Variants in PALM2AKAP2 observed in about 807,000 individuals in gnomAD.
PALM2AKAP2 encodes PALM2-AKAP2 fusion protein.
PALM2AKAP2 carries 37 observed loss-of-function variants against 71.5 expected under a neutral mutation model. That is an observed-to-expected ratio of 0.52 (90% CI 0.40 to 0.68). The LOEUF (loss-of-function observed/expected upper bound fraction) is 0.68. Among genes scored for constraint, PALM2AKAP2 ranks in the 30% least tolerant of loss-of-function variants. The pLI, the probability that PALM2AKAP2 is intolerant of heterozygous loss-of-function variation, is 0.00. For synonymous variants in PALM2AKAP2, 468 were observed against 478.8 expected (o/e 0.98, Z 0.29); for missense variants, 1,224 against 1,191.8 (o/e 1.03, Z -0.40).
At chr9:109,712,170 T>C (rs1247098010) in intron 1 of PALM2AKAP2, among the ~76,000 whole-genome samples, 1 of 152,194 alleles carries the variant, frequency 6.6e-6, no homozygotes, top group African/African-American at 2.4e-5. Flanking sequence ...AATCTTTATG[T>C]TTCATGTCAG....
At chr9:110,055,080 T>C (rs1489743464) in intron 1 of PALM2AKAP2, among the ~76,000 whole-genome samples, 2 of 152,246 alleles carry the variant, frequency 1.3e-5, no homozygotes, top group Non-Finnish European at 2.9e-5. Flanking sequence ...TTTCATTAGT[T>C]GATCCTTCTT....
intron 1 of PALM2AKAP2, among the ~76,000 whole-genome samples, chr9:110,120,626 C>G (rs1335548330): frequency 6.6e-6 from 1 of 152,258 alleles, no homozygotes. Flanking sequence ...CCCTCAGCCT[C>G]CCGAGTAGCT....
intron 1 of PALM2AKAP2, among the ~76,000 whole-genome samples, chr9:109,672,884 A>G (rs965570264): frequency 3.3e-5 from 5 of 151,646 alleles, no homozygotes; most frequent in African/African-American, 1.2e-4. Flanking sequence ...TTTCTAGTAT[A>G]GGTGCATAGA....
chr9:109,781,175 A>T lies in PALM2AKAP2; in HGVS notation c.45+642A>T, dbSNP rs529273167. ...AAAACCTATTTTCAGCCTACAAAGG[A>T]GTAGTCAGTTTTGGCAAAGTTCGTA... On this transcript the variant is annotated intron_variant, in intron 1 of 9. Transcript: ENST00000302798. 7.2e-5 allele frequency among the ~76,000 whole-genome samples: 11 copies of T among 152,336 alleles called. No individual in the cohort carries two copies. The South Asian group carries it at 1.7e-3, about 23-fold the overall frequency.
chr9:109,841,431 G>A (rs1261380735), intron 1 of PALM2AKAP2, among the ~76,000 whole-genome samples: 1 of 142,982 alleles, frequency 7.0e-6, no homozygotes, highest in African/African-American at 2.6e-5. Flanking sequence ...TGAGTTAATG[G>A]GTGCAGCACA....
intron 1 of PALM2AKAP2, among the ~76,000 whole-genome samples, chr9:109,694,206 A>G (rs952496084): frequency 2.0e-5 from 3 of 152,080 alleles, no homozygotes; most frequent in African/African-American, 7.2e-5. Context: ...TGTACAGGCT[A>G]GACCATAGGG....
At chr9:109,777,065 C>G (rs889969289), upstream of PALM2AKAP2, among the ~76,000 whole-genome samples, 1 of 152,166 alleles carries the variant, frequency 6.6e-6, no homozygotes, top group Non-Finnish European at 1.5e-5. Flanking sequence ...ATGTTTTAGT[C>G]TTTCTCATCT....
intron 1 of PALM2AKAP2, among the ~76,000 whole-genome samples, chr9:109,794,708 C>T (rs555758027): frequency 1.1e-4 from 17 of 152,262 alleles, no homozygotes; most frequent in African/African-American, 4.1e-4. Flanking sequence ...TCCTTTCTGC[C>T]CTCTTCCATT....
intron 1 of PALM2AKAP2, among the ~76,000 whole-genome samples, chr9:110,124,344 T>G (rs1372434689): frequency 6.6e-6 from 1 of 152,184 alleles, no homozygotes; most frequent in Non-Finnish European, 1.5e-5. Flanking sequence ...CAGAACCATG[T>G]GTAGCGTTTG....
At chr9:110,078,473 G>T (rs1375379115) in intron 1 of PALM2AKAP2, among the ~76,000 whole-genome samples, 1 of 152,134 alleles carries the variant, frequency 6.6e-6, no homozygotes, top group Non-Finnish European at 1.5e-5. Context: ...TAGCACTTAT[G>T]AATTTTTAAG....
In PALM2AKAP2 at chr9:109,826,089, T is replaced by G. The variant is rs1188668537; in HGVS notation, c.46-41402T>G. Among the ~76,000 whole-genome samples the G allele has an allele frequency of 2.0e-5, 3 of 152,062 alleles. No homozygotes were observed. In the East Asian group the frequency reaches 5.8e-4, roughly 29 times the overall value. ...GGGACATGGATGAAGCTGGAAGCCA[T>G]CATTCTCAGCAAACTATCGCAAGGA... On this transcript the variant is annotated intron_variant, in intron 1 of 9. Coordinates refer to the PALM2AKAP2 transcript ENST00000302798.
intron 2 of PALM2AKAP2, among the ~76,000 whole-genome samples, chr9:110,142,116 G>T (rs1836048796): frequency 7.0e-6 from 1 of 143,606 alleles, no homozygotes; most frequent in Admixed American, 7.2e-5. Flanking sequence ...CTGTCTCCCA[G>T]GCTGGAGTGC....
chr9:109,646,723 C>T (rs1036841878), intron 1 of PALM2AKAP2, among the ~76,000 whole-genome samples: 4 of 152,090 alleles, frequency 2.6e-5, no homozygotes, highest in East Asian at 1.9e-4. Flanking sequence ...TAGGTACTTG[C>T]GATAAATGGT....
intron 1 of PALM2AKAP2, among the ~76,000 whole-genome samples, chr9:109,658,433 G>A (rs139663956): frequency 0.013 from 1,924 of 152,104 alleles, 31 homozygotes; most frequent in Middle Eastern, 0.054. Context: ...AAGATATAAA[G>A]ATAAATAAAT....
chr9:109,706,419 G>T (rs931060321), intron 1 of PALM2AKAP2, among the ~76,000 whole-genome samples: 8 of 152,088 alleles, frequency 5.3e-5, no homozygotes, highest in Admixed American at 4.6e-4. Context: ...GTATTGGTAA[G>T]GATGTAGAGA....
intron 2 of PALM2AKAP2, among the ~76,000 whole-genome samples, chr9:110,147,163 A>T (rs1836195231): frequency 6.6e-6 from 1 of 151,810 alleles, no homozygotes; most frequent in Admixed American, 6.6e-5. Context: ...AGGCAGGAGA[A>T]TCGCCTGAAC....
At position 109,983,512 on chromosome 9, in the gene PALM2AKAP2, C is replaced by T. The variant is rs911263860; in HGVS notation, c.497-32442C>T. 5.3e-5 allele frequency among the ~76,000 whole-genome samples: 8 copies of T among 151,966 alleles called. No homozygotes were observed. In the South Asian group the frequency reaches 1.7e-3, roughly 32 times the overall value. ...GTTCTTGTTTTCTTAACCCCATATTCTACAAAGCATTTAGGGTGGCTTGCA... is the reference window on the plus strand; with the variant it reads ...GTTCTTGTTTTCTTAACCCCATATTTTACAAAGCATTTAGGGTGGCTTGCA... On this transcript the variant is annotated intron_variant, in intron 6 of 9. Coordinates refer to the PALM2AKAP2 transcript ENST00000302798.
At chr9:109,796,324 G>A (rs115383617) in intron 1 of PALM2AKAP2, among the ~76,000 whole-genome samples, 3,163 of 152,060 alleles carry the variant, frequency 0.021, 97 homozygotes, top group African/African-American at 0.072. Flanking sequence ...AGATAACATG[G>A]GATTTGATTG....
At chr9:109,993,215 C>G (rs1832517235) in intron 6 of PALM2AKAP2, among the ~76,000 whole-genome samples, 1 of 147,790 alleles carries the variant, frequency 6.8e-6, no homozygotes, top group Admixed American at 6.7e-5. Flanking sequence ...TATCTTCTTG[C>G]AAATTTGAAA....
Sources: allele counts gnomAD v4.1 joint callset (sites outside exome capture counted in the v4.1 genomes callset), GRCh38; gene constraint gnomAD v4.1.1; transcripts MANE v1.5; gene names NCBI Gene and HGNC (gene_info 2026-07-23, HGNC 2026-07-21).